ASRGL1: variants seen among roughly 807,000 people sequenced by gnomAD.
The protein encoded by ASRGL1 is isoaspartyl peptidase/L-asparaginase.
In ASRGL1, 16 loss-of-function variants were observed where a neutral mutation model predicts 22.4. The ratio of observed to expected loss-of-function variants is 0.71; its 90% CI spans 0.48 to 1.08. ASRGL1 has a LOEUF of 1.08. Ranked by LOEUF, ASRGL1 falls within the 50% of genes least tolerant of loss-of-function variation. The probability of loss-of-function intolerance (pLI) is 0.00; values close to 1 mark genes in which losing one functional copy is unlikely to be tolerated. For synonymous variants in ASRGL1, 165 were observed against 159.3 expected, an observed-to-expected ratio of 1.04 and a Z score of -0.27; for missense variants, 412 against 410.1, an observed-to-expected ratio of 1.00 and a Z score of -0.04.
In ASRGL1 at chr11:62,361,366, A is replaced by T. The variant is rs146598860; in HGVS notation, c.491+4222A>T. On this transcript the variant is annotated intron_variant, in intron 4 of 6. Coordinates refer to ENST00000415229, the MANE Select transcript of ASRGL1 (RefSeq NM_001083926.2). Reference sequence around the variant, plus strand: ...ACCATGCCTGGCTAATTTTATTTTTAGTAGAGACGGGGTCTTGCCATGTTG... The same window carrying T: ...ACCATGCCTGGCTAATTTTATTTTTTGTAGAGACGGGGTCTTGCCATGTTG... Among the ~76,000 whole-genome samples the T allele has an allele frequency of 3.0e-3, 455 of 151,264 alleles. 11 individuals carry two copies. The East Asian group carries it at 0.065, about 22-fold the overall frequency.
the ASRGL1 span, among the ~76,000 whole-genome samples, chr11:62,399,229 C>T: frequency 6.6e-6 from 1 of 152,130 alleles, no homozygotes; most frequent in Non-Finnish European, 1.5e-5. Context: ...AAAAAAAGAA[C>T]TTCCAACATA....
chr11:62,368,338 A>G (rs914996161), intron 4 of ASRGL1, among the ~76,000 whole-genome samples: 3 of 152,066 alleles, frequency 2.0e-5, no homozygotes, highest in African/African-American at 7.3e-5. Flanking sequence ...ATAAGGGGGG[A>G]CTACTGTTTT....
At chr11:62,342,724 C>T (rs1451436479) in intron 2 of ASRGL1, among the ~76,000 whole-genome samples, 1 of 151,842 alleles carries the variant, frequency 6.6e-6, no homozygotes, top group Non-Finnish European at 1.5e-5. Flanking sequence ...TGCCACTGCA[C>T]TCCTGCCTGA....
chr11:62,356,335 T>C lies in ASRGL1; in HGVS notation c.201T>C (p.Ser67=). 6.2e-7 allele frequency: 1 copy of C among 1,614,082 alleles called. No homozygotes were observed. Among genetic ancestry groups the C allele is most frequent in the Middle Eastern group, 1.6e-4 (1 of 6,062 alleles). ...TCTTTTTGGTTTTAGGTTGTGGGTC[T>C]GTCTTGAACACAAATGGTGAGGTTG... ...DDPEFNAGCG[S]VLNTNGEVEM... Residue 67 remains serine (S), a synonymous_variant, in exon 3 of 7, where the codon TCT becomes TCC. Coordinates refer to ENST00000415229, the MANE Select transcript of ASRGL1 (RefSeq NM_001083926.2).
In ASRGL1 at chr11:62,356,341, G is replaced by C. The variant is rs376795522; in HGVS notation, c.207G>C (p.Leu69Phe). The stretch of plus-strand genomic sequence containing the variant: ...TGGTTTTAGGTTGTGGGTCTGTCTT[G>C]AACACAAATGGTGAGGTTGAAATGG... ...PEFNAGCGSVLNTNGEVEMDA... is the reference protein window; with the variant it reads ...PEFNAGCGSVFNTNGEVEMDA... Residue 69 changes from leucine (L) to phenylalanine (F), a missense_variant, in exon 3 of 7, where the codon TTG becomes TTC. By Grantham distance (22) the Leu-to-Phe change is conservative. Transcript: ENST00000415229. 1 of 1,614,018 alleles carries C rather than the reference G, an allele frequency of 6.2e-7. No homozygotes were observed. Among genetic ancestry groups the C allele is most frequent in the African/African-American group, 1.3e-5 (1 of 74,930 alleles).
intron 2 of ASRGL1, among the ~76,000 whole-genome samples, chr11:62,342,403 T>C (rs1246461504): frequency 2.0e-5 from 3 of 152,220 alleles, no homozygotes; most frequent in Non-Finnish European, 4.4e-5. Flanking sequence ...TTAGCACAGG[T>C]CTTTGAATAA....
chr11:62,389,655 G>C, intron 5 of ASRGL1: 1 of 342,452 alleles, frequency 2.9e-6, no homozygotes, highest in South Asian at 2.3e-5. Context: ...TGAGACTGCA[G>C]TTGTTAGATC....
intron 2 of ASRGL1, 36 bp downstream of exon 2, chr11:62,338,203 C>T: frequency 6.7e-7 from 1 of 1,494,586 alleles, no homozygotes. Flanking sequence ...TAATGTGAGT[C>T]AGGTCAAGCT....
In ASRGL1 at chr11:62,367,581, T is replaced by C. The variant is rs1306278825; in HGVS notation, c.491+10437T>C. On this transcript the variant is annotated intron_variant, in intron 4 of 6. Coordinates refer to ENST00000415229, the MANE Select transcript of ASRGL1 (RefSeq NM_001083926.2). ...ATCACTTGCACCCAGGAGGTGGAGGTTGCGGTGAGCTGAGATCACACCATT... is the reference window on the plus strand; with the variant it reads ...ATCACTTGCACCCAGGAGGTGGAGGCTGCGGTGAGCTGAGATCACACCATT... Among the ~76,000 whole-genome samples the C allele has an allele frequency of 2.7e-5, 4 of 150,514 alleles. No homozygotes were observed. The East Asian group carries it at 7.7e-4, about 29-fold the overall frequency.
At chr11:62,364,956 C>T (rs1027732079) in intron 4 of ASRGL1, among the ~76,000 whole-genome samples, 1 of 151,304 alleles carries the variant, frequency 6.6e-6, no homozygotes, top group Non-Finnish European at 1.5e-5. Context: ...GTAATCCTAG[C>T]TACTTGGAAG....
intron 4 of ASRGL1, among the ~76,000 whole-genome samples, chr11:62,361,267 C>G (rs1388470079): frequency 2.0e-5 from 3 of 152,046 alleles, no homozygotes; most frequent in Non-Finnish European, 4.4e-5. Context: ...TCGTAGCTCA[C>G]TGCAGCCTCA....
chr11:62,399,204 A>G, the ASRGL1 span, among the ~76,000 whole-genome samples: 3 of 152,172 alleles, frequency 2.0e-5, no homozygotes, highest in Admixed American at 6.5e-5. Flanking sequence ...CGACAAGAAC[A>G]AAACTCCAAC....
intron 4 of ASRGL1, among the ~76,000 whole-genome samples, chr11:62,386,666 T>C (rs1175233737): frequency 6.6e-6 from 1 of 152,194 alleles, no homozygotes; most frequent in Non-Finnish European, 1.5e-5. Context: ...TAAACACCTG[T>C]CCATATTTCT....
intron 2 of ASRGL1, 81 bp from the exon 3 acceptor site, chr11:62,356,244 C>T (rs368729055): frequency 1.8e-5 from 27 of 1,517,286 alleles, no homozygotes; most frequent in South Asian, 2.4e-5. Context: ...GCTGGCCGGG[C>T]GGGGGGCTGA....
chr11:62,349,736 T>G (rs890788050), intron 2 of ASRGL1, among the ~76,000 whole-genome samples: 64 of 152,266 alleles, frequency 4.2e-4, no homozygotes, highest in African/African-American at 1.4e-3. Context: ...AAAGCAAGTT[T>G]ATTAGGAAAG....
chr11:62,339,858 C>T (rs1389592130), intron 2 of ASRGL1, among the ~76,000 whole-genome samples: 1 of 152,128 alleles, frequency 6.6e-6, no homozygotes, highest in Non-Finnish European at 1.5e-5. Context: ...GGAATTATAC[C>T]ACCCATCTGT....
the ASRGL1 span, among the ~76,000 whole-genome samples, chr11:62,399,365 G>C: frequency 6.6e-6 from 1 of 152,206 alleles, no homozygotes; most frequent in Non-Finnish European, 1.5e-5. Flanking sequence ...GACTCGTGTA[G>C]AGAACAGGCA....
At chr11:62,359,997 C>CT (rs896257646) in intron 4 of ASRGL1, among the ~76,000 whole-genome samples, 2 of 145,124 alleles carry the variant, frequency 1.4e-5, no homozygotes, top group Non-Finnish European at 3.0e-5. Context: ...CAAATTACTT[C>CT]TTTTTTTTGT....
rs1476768735 is a variant in ASRGL1, at chr11:62,392,290, TG to T, written c.*8del. 6.2e-7 allele frequency: 1 copy of T among 1,612,992 alleles called. No individual in the cohort carries two copies. The highest frequency in any genetic ancestry group is 8.5e-7 in the Non-Finnish European group (1 of 1,179,884). On this transcript the variant is annotated 3_prime_UTR_variant, in exon 7 of 7. Coordinates refer to ENST00000415229, the MANE Select transcript of ASRGL1 (RefSeq NM_001083926.2). ...CTATCACCGACCTTCCCTAAGCCGC[TG>T]GAAGATTGTATTCCAGATGCTAGCT...
Sources: gnomAD v4.1 joint callset for allele counts (sites outside exome capture counted in the v4.1 genomes callset) on GRCh38, gnomAD v4.1.1 for gene constraint, MANE v1.5 for transcripts, NCBI Gene and HGNC (gene_info 2026-07-23, HGNC 2026-07-21) for gene names.